Variants in KCNH7 observed in about 807,000 individuals in gnomAD.
The protein encoded by KCNH7 is voltage-gated inwardly rectifying potassium channel KCNH7.
In KCNH7, 49 loss-of-function variants were observed where a neutral mutation model predicts 120.8. The observed-to-expected ratio is 0.41, with a 90% CI of 0.32 to 0.51. KCNH7 has a LOEUF of 0.51. Ranked by LOEUF, KCNH7 falls within the 20% of genes least tolerant of loss-of-function variation. KCNH7 has a pLI of 0.38. For synonymous variants in KCNH7, 547 were observed against 516.1 expected, an observed-to-expected ratio of 1.06 and a Z score of -0.81; for missense variants, 1,097 against 1,446.6, an observed-to-expected ratio of 0.76 and a Z score of 3.92.
chr2:162,736,305 T>C (rs1015442497), intron 2 of KCNH7, among the ~76,000 whole-genome samples: 1 of 152,206 alleles, frequency 6.6e-6, no homozygotes, highest in Non-Finnish European at 1.5e-5. Context: ...TAACTGAAAT[T>C]AAAGTTATGT....
Position 162,496,745 on chromosome 2 carries a change from T to C in KCNH7, c.1128+7698A>G, listed in dbSNP as rs116191823. ...CAATGAGTCTTTATACAAATAATTG[T>C]TGAAAATTTGCCTTAAGTATAATTT... On this transcript the variant is annotated intron_variant, in intron 6 of 15. Coordinates refer to ENST00000332142, the MANE Select transcript of KCNH7 (RefSeq NM_033272.4). Among the ~76,000 whole-genome samples the C allele has an allele frequency of 2.8e-3, 434 of 152,304 alleles. 3 individuals are homozygous for C. The highest frequency in any genetic ancestry group is 9.8e-3 in the African/African-American group (409 of 41,566).
intron 2 of KCNH7, among the ~76,000 whole-genome samples, chr2:162,800,993 A>G (rs1343846921): frequency 6.6e-6 from 1 of 151,902 alleles, no homozygotes; most frequent in Non-Finnish European, 1.5e-5. Flanking sequence ...GATAAATGCT[A>G]CATACAAATA....
At chr2:162,674,415 A>G (rs1055080670) in intron 2 of KCNH7, among the ~76,000 whole-genome samples, 1 of 151,784 alleles carries the variant, frequency 6.6e-6, no homozygotes, top group African/African-American at 2.4e-5. Context: ...TCATTATGCT[A>G]CTTCTTCCTA....
intron 2 of KCNH7, among the ~76,000 whole-genome samples, chr2:162,774,557 T>C (rs1017338058): frequency 1.3e-5 from 2 of 152,184 alleles, no homozygotes; most frequent in Non-Finnish European, 2.9e-5. Context: ...GGGCCAAATG[T>C]ACCAAGAGCA....
At chr2:162,431,349 T>A (rs1337367941) in intron 8 of KCNH7, among the ~76,000 whole-genome samples, 1 of 151,944 alleles carries the variant, frequency 6.6e-6, no homozygotes, top group Non-Finnish European at 1.5e-5. Flanking sequence ...TTTTTCAGGC[T>A]AAAATAAGGC....
chr2:162,403,039 T>A (rs1366554120), intron 9 of KCNH7, among the ~76,000 whole-genome samples: 2 of 151,948 alleles, frequency 1.3e-5, no homozygotes, highest in African/African-American at 2.4e-5. Context: ...GCTAAATTAA[T>A]AACATGTATT....
chr2:162,763,746 TGTGTGTG>T (rs1174995144), intron 2 of KCNH7, among the ~76,000 whole-genome samples: 2 of 151,046 alleles, frequency 1.3e-5, no homozygotes, highest in Non-Finnish European at 3.0e-5. Context: ...TGTGTGTGTG[TGTGTGTG>T]TGTGTGTGTG....
intron 2 of KCNH7, among the ~76,000 whole-genome samples, chr2:162,718,923 C>T (rs1006466411): frequency 3.3e-5 from 5 of 151,866 alleles, no homozygotes; most frequent in Non-Finnish European, 7.4e-5. Flanking sequence ...TATGGCTATC[C>T]AATTTTAAGA....
At chr2:162,504,731 C>A in intron 5 of KCNH7, 74 bp from the exon 6 acceptor site, 1 of 888,456 alleles carries the variant, frequency 1.1e-6, no homozygotes, top group South Asian at 1.5e-5. Flanking sequence ...GAATGCCCTG[C>A]TAATGATTCC....
intron 2 of KCNH7, among the ~76,000 whole-genome samples, chr2:162,701,967 A>G (rs968041370): frequency 8.6e-5 from 13 of 151,822 alleles, no homozygotes; most frequent in Non-Finnish European, 1.2e-4. Context: ...AGATCACGCC[A>G]CTATACTCCA....
intron 2 of KCNH7, chr2:162,769,073 T>C (rs1682939522): frequency 6.6e-6 from 1 of 152,192 alleles, no homozygotes; most frequent in African/African-American, 2.4e-5. Context: ...TTTAACTTTA[T>C]AGTAGGGTTA....
At chr2:162,731,067 GA>G (rs1416479034) in intron 2 of KCNH7, among the ~76,000 whole-genome samples, 1 of 151,590 alleles carries the variant, frequency 6.6e-6, no homozygotes, top group African/African-American at 2.4e-5. Context: ...AAATGTAAGA[GA>G]AACAGTTGGG....
At chr2:162,421,626 C>T (rs1558936343) in intron 9 of KCNH7, among the ~76,000 whole-genome samples, 1 of 152,072 alleles carries the variant, frequency 6.6e-6, no homozygotes, top group Admixed American at 6.6e-5. Context: ...CTGTTCTTAC[C>T]GGTGGGTGTT....
At chr2:162,706,593 A>G (rs1290968642) in intron 2 of KCNH7, among the ~76,000 whole-genome samples, 1 of 152,048 alleles carries the variant, frequency 6.6e-6, no homozygotes, top group Non-Finnish European at 1.5e-5. Context: ...CTACCATTTG[A>G]CATAATCAAA....
chr2:162,576,554 C>T (rs1372928960), intron 2 of KCNH7, among the ~76,000 whole-genome samples: 1 of 152,002 alleles, frequency 6.6e-6, no homozygotes, highest in Non-Finnish European at 1.5e-5. Context: ...TTAACATTTG[C>T]TCTCATTTAA....
intron 2 of KCNH7, among the ~76,000 whole-genome samples, chr2:162,541,590 CA>C (rs1692304048): frequency 6.6e-6 from 1 of 152,008 alleles, no homozygotes; most frequent in Admixed American, 6.6e-5. Flanking sequence ...AATGCAGGAA[CA>C]GAAAACCAAA....
chr2:162,458,875 A>AT (rs1454856146), intron 6 of KCNH7, among the ~76,000 whole-genome samples: 1 of 151,862 alleles, frequency 6.6e-6, no homozygotes, highest in Non-Finnish European at 1.5e-5. Flanking sequence ...GCGTGATGGC[A>AT]TGTGCCTGTG....
At chr2:162,634,380 C>T (rs75726170) in intron 2 of KCNH7, among the ~76,000 whole-genome samples, 7,538 of 151,914 alleles carry the variant, frequency 0.05, 366 homozygotes, top group East Asian at 0.12. Flanking sequence ...GCTAGGATGA[C>T]GTATTGACAA....
intron 6 of KCNH7, among the ~76,000 whole-genome samples, chr2:162,498,122 A>G (rs1558978549): frequency 6.6e-6 from 1 of 152,090 alleles, no homozygotes; most frequent in Non-Finnish European, 1.5e-5. Flanking sequence ...CCACAGATTA[A>G]TACCTTCTGG....
Sources: gnomAD v4.1 joint callset for allele counts (sites outside exome capture counted in the v4.1 genomes callset) on GRCh38, gnomAD v4.1.1 for gene constraint, MANE v1.5 for transcripts, NCBI Gene and HGNC (gene_info 2026-07-23, HGNC 2026-07-21) for gene names.